Variants in HERC1 observed in about 807,000 individuals in gnomAD.
HERC1 encodes the protein HECT and RLD domain containing E3 ubiquitin protein ligase family member 1.
HERC1 carries 160 observed loss-of-function variants against 554.3 expected under a neutral mutation model. That is an observed-to-expected ratio of 0.29 (90% CI 0.25 to 0.33). HERC1 has a LOEUF of 0.33. Ranked by LOEUF, HERC1 falls within the 10% of genes least tolerant of loss-of-function variation. The pLI is 1.00. For synonymous variants in HERC1, 2,175 were observed against 2,131.7 expected (o/e 1.02, Z -0.56); for missense variants, 4,919 against 5,918.5 (o/e 0.83, Z 5.54).
intron 25 of HERC1, among the ~76,000 whole-genome samples, chr15:63,702,640 G>A (rs1274222357): frequency 1.3e-5 from 2 of 152,274 alleles, no homozygotes; most frequent in Non-Finnish European, 2.9e-5. Context: ...TACAGGTTTT[G>A]TCAAGAATTT....
chr15:63,733,113 C>G lies in HERC1; in HGVS notation c.2679G>C (p.Leu893Phe). 6 of 1,613,578 alleles carry G rather than the reference C, an allele frequency of 3.7e-6. No individual in the cohort carries two copies. The highest frequency in any genetic ancestry group is 5.1e-6 in the Non-Finnish European group (6 of 1,179,566). Residue 893 changes from leucine (L) to phenylalanine (F), a missense_variant, in exon 14 of 78, where the codon TTG (leucine) becomes TTC (phenylalanine). Leu to Phe is a conservative substitution (Grantham distance 22, BLOSUM62 0). Around this residue, in one of 11 missense-constraint regions of HERC1, gnomAD observed 744 missense variants for 1,090.0 expected, o/e 0.68. Coordinates refer to ENST00000443617, the MANE Select transcript of HERC1 (RefSeq NM_003922.4). ...RMQLDIILTS[L>F]QDHTHVASLL... ...GGGAGGCTACGTGGGTATGATCTTG[C>G]AAACTTGTCAGGATGATATCCAGTT...
In HERC1 at chr15:63,633,919, C is replaced by A; in HGVS notation, c.12622G>T (p.Val4208Leu). 4 of 1,613,902 alleles carry A rather than the reference C, an allele frequency of 2.5e-6. No homozygotes were observed. Among genetic ancestry groups the A allele is most frequent in the Non-Finnish European group, 3.4e-6 (4 of 1,179,836 alleles). Residue 4208 changes from valine (V) to leucine (L), a missense_variant, in exon 67 of 78, where the codon GTG (valine) becomes TTG (leucine). Val to Leu is a conservative substitution (Grantham distance 32). Around this residue, in one of 11 missense-constraint regions of HERC1, gnomAD observed 410 missense variants for 467.0 expected, o/e 0.88. Transcript: ENST00000443617. ...TLAVSADGSM[V>L]WAFGDGDYGK... Reference sequence around the variant, plus strand: ...TAGTCTCCATCTCCAAAAGCCCACACCATGGAACCATCTGCTGACACTGCC... The same window carrying A: ...TAGTCTCCATCTCCAAAAGCCCACAACATGGAACCATCTGCTGACACTGCC...
intron 51 of HERC1, among the ~76,000 whole-genome samples, chr15:63,653,149 TG>T (rs917416083): frequency 3.9e-5 from 6 of 152,172 alleles, no homozygotes; most frequent in Non-Finnish European, 7.3e-5. Context: ...TTTTAAAAAT[TG>T]TTTAAGTAGG....
At chr15:63,804,494 G>A (rs2077077705) in intron 1 of HERC1, among the ~76,000 whole-genome samples, 1 of 151,716 alleles carries the variant, frequency 6.6e-6, no homozygotes, top group Admixed American at 6.6e-5. Context: ...GCTGAGGCAG[G>A]AGAATCACTT....
Position 63,655,920 on chromosome 15 carries a change from G to C in HERC1, c.9906C>G (p.Thr3302=). ...LISAATGVNL[T]TVDDSIQRKF... Reference sequence around the variant, plus strand: ...TTCGCTGAATTGAGTCATCAACTGTGGTTAGATTTACACCTGTTGCAGCAG... The same window carrying C: ...TTCGCTGAATTGAGTCATCAACTGTCGTTAGATTTACACCTGTTGCAGCAG... Residue 3302 remains threonine (T), a synonymous_variant, in exon 50 of 78, where the codon ACC becomes ACG. Coordinates refer to ENST00000443617, the MANE Select transcript of HERC1 (RefSeq NM_003922.4). 2 of 1,612,938 alleles carry C rather than the reference G, an allele frequency of 1.2e-6. No homozygotes were observed. Among genetic ancestry groups the C allele is most frequent in the Non-Finnish European group, 1.7e-6 (2 of 1,179,480 alleles).
chr15:63,643,182 T>C (rs1228330551), intron 58 of HERC1, 124 bp from the exon 59 acceptor site: 2 of 835,478 alleles, frequency 2.4e-6, no homozygotes, highest in African/African-American at 1.7e-5. Context: ...TTCAGCAACG[T>C]CCAATCACAT....
intron 65 of HERC1, among the ~76,000 whole-genome samples, chr15:63,635,242 T>A (rs2068731828): frequency 6.6e-6 from 1 of 152,054 alleles, no homozygotes; most frequent in African/African-American, 2.4e-5. Context: ...AGAGACAGGG[T>A]CTTGCTATGT....
At chr15:63,763,450 A>T (rs1025523731) in intron 3 of HERC1, among the ~76,000 whole-genome samples, 1 of 152,230 alleles carries the variant, frequency 6.6e-6, no homozygotes, top group Non-Finnish European at 1.5e-5. Flanking sequence ...CATCATGAGT[A>T]ATCTATCAGT....
At chr15:63,646,322 A>T (rs1357258327) in intron 55 of HERC1, among the ~76,000 whole-genome samples, 1 of 152,162 alleles carries the variant, frequency 6.6e-6, no homozygotes, top group Non-Finnish European at 1.5e-5. Context: ...AGGTATTACC[A>T]GGGTGTTCAT....
chr15:63,711,775 C>T (rs1463840842), intron 24 of HERC1, among the ~76,000 whole-genome samples: 1 of 152,160 alleles, frequency 6.6e-6, no homozygotes, highest in Admixed American at 6.5e-5. Flanking sequence ...ACAGTAGAAT[C>T]GAGACCAGAA....
intron 77 of HERC1, among the ~76,000 whole-genome samples, chr15:63,609,477 C>T (rs921901156): frequency 6.6e-6 from 1 of 152,248 alleles, no homozygotes; most frequent in African/African-American, 2.4e-5. Flanking sequence ...TCCTTCTTGT[C>T]CTCACCTCCT....
intron 1 of HERC1, among the ~76,000 whole-genome samples, chr15:63,803,174 G>T (rs1204188803): frequency 6.6e-6 from 1 of 152,066 alleles, no homozygotes; most frequent in Non-Finnish European, 1.5e-5. Flanking sequence ...GCAACAAAGT[G>T]AGCAACCCTG....
rs1596070401 is a variant in HERC1, at chr15:63,723,052, G to A, written c.3742+130C>T. 1.3e-5 allele frequency: 7 copies of A among 540,130 alleles called. No homozygotes were observed. The East Asian group carries it at 2.4e-4, about 18-fold the overall frequency. 33.5% of individuals were successfully genotyped at this position (540,130 alleles called of 1,614,324 possible). ...AGGGAAAAACAAATTGTTTAAAAAT[G>A]TTAATAAAATATCTTTTTCTATTAA... is the stretch of plus-strand genomic sequence containing the variant. On this transcript the variant is annotated intron_variant, in intron 19 of 77. Coordinates refer to ENST00000443617, the MANE Select transcript of HERC1 (RefSeq NM_003922.4).
chr15:63,729,629 T>C lies in HERC1; in HGVS notation c.2889A>G (p.Leu963=). Reference sequence around the variant, plus strand: ...GTAGAAATTTATCACTATTCTTTTCTAGCTCTCCAAATGCTTGATCCTAAA... The same window carrying C: ...GTAGAAATTTATCACTATTCTTTTCCAGCTCTCCAAATGCTTGATCCTAAA... ...GFYTDQAFGE[L]EKNSDKFLLG... is the part of the protein sequence containing the mutation. Residue 963 remains leucine, a synonymous_variant, in exon 15 of 78, where the codon CTA becomes CTG. Transcript: ENST00000443617. The C allele has an allele frequency of 7.4e-6, 12 of 1,613,888 alleles. No individual in the cohort carries two copies. Among genetic ancestry groups the C allele is most frequent in the Non-Finnish European group, 9.3e-6 (11 of 1,179,786 alleles).
At chr15:63,639,598 T>C (rs568727070) in intron 61 of HERC1, among the ~76,000 whole-genome samples, 13 of 152,246 alleles carry the variant, frequency 8.5e-5, no homozygotes, top group African/African-American at 2.9e-4. Context: ...ATCCAAATGT[T>C]TGTATACATA....
chr15:63,654,562 T>C (rs1330775426), intron 50 of HERC1, among the ~76,000 whole-genome samples: 2 of 152,150 alleles, frequency 1.3e-5, no homozygotes, highest in African/African-American at 4.8e-5. Context: ...ATTAAAAATA[T>C]ACATTTTAGG....
chr15:63,637,949 G>A (rs534855438), intron 63 of HERC1, among the ~76,000 whole-genome samples: 7 of 152,210 alleles, frequency 4.6e-5, no homozygotes, highest in Non-Finnish European at 8.8e-5. Context: ...GCAGAAACTC[G>A]TACATAAGAA....
chr15:63,645,044 T>C lies in HERC1; in HGVS notation c.11132A>G (p.Gln3711Arg). Reference sequence around the variant, plus strand: ...TCCTTCTGCACTAGTCACATTGGTCTGTGTAGTATCTTGAGGAATGCGCCA... The same window carrying C: ...TCCTTCTGCACTAGTCACATTGGTCCGTGTAGTATCTTGAGGAATGCGCCA... ...CVWRIPQDTT[Q>R]TNVTSAEGWW... Residue 3711 changes from glutamine to arginine, a missense_variant, in exon 57 of 78, where the codon CAG becomes CGG. Physicochemically the swap from Gln to Arg is conservative, Grantham distance 43. Coordinates refer to ENST00000443617, the MANE Select transcript of HERC1 (RefSeq NM_003922.4). The C allele has an allele frequency of 1.9e-6, 3 of 1,613,882 alleles. No individual in the cohort carries two copies. The highest frequency in any genetic ancestry group is 2.5e-6 in the Non-Finnish European group (3 of 1,179,806).
At chr15:63,688,463 G>GAACA (rs1415798433) in intron 33 of HERC1, among the ~76,000 whole-genome samples, 1 of 152,220 alleles carries the variant, frequency 6.6e-6, no homozygotes, top group Non-Finnish European at 1.5e-5. Context: ...GGAAATGCCA[G>GAACA]AACTTGAATT....
Sources: allele counts gnomAD v4.1 joint callset (sites outside exome capture counted in the v4.1 genomes callset), GRCh38; gene constraint gnomAD v4.1.1; regional missense constraint gnomAD v4.1.1; transcripts MANE v1.5; gene names NCBI Gene and HGNC (gene_info 2026-07-23, HGNC 2026-07-21).